The following IL1RAPL1 variants were observed in gnomAD, a reference collection of about 807,000 sequenced individuals.
The protein encoded by IL1RAPL1 is interleukin 1 receptor accessory protein like 1, also known as interleukin-1 receptor accessory protein-like 1.
In IL1RAPL1, 3 loss-of-function variants were observed where a neutral mutation model predicts 48.4. The ratio of observed to expected loss-of-function variants is 0.06; its 90% CI spans 0.03 to 0.16. The LOEUF is 0.16. Among genes scored for constraint, IL1RAPL1 ranks in the 10% least tolerant of loss-of-function variants. IL1RAPL1 has a pLI of 1.00. For synonymous variants in IL1RAPL1, 185 were observed against 187.7 expected, an observed-to-expected ratio of 0.99 and a Z score of 0.12; for missense variants, 349 against 530.6, an observed-to-expected ratio of 0.66 and a Z score of 3.36.
At chrX:29,777,794 T>C (rs1387658501) in intron 6 of IL1RAPL1, among the ~76,000 whole-genome samples, 1 of 110,969 alleles carries the variant, frequency 9.0e-6, no homozygotes, top group Non-Finnish European at 1.9e-5. Context: ...TTCAATAAAA[T>C]TGATATAAAT....
At chrX:29,231,476 CT>C (rs916595515) in intron 2 of IL1RAPL1, among the ~76,000 whole-genome samples, 1 of 111,979 alleles carries the variant, frequency 8.9e-6, no homozygotes, top group Non-Finnish European at 1.9e-5. Context: ...CTTGTGGTGT[CT>C]GTTGGTTGTT....
intron 2 of IL1RAPL1, among the ~76,000 whole-genome samples, chrX:29,226,770 A>G (rs941691397): frequency 9.0e-6 from 1 of 110,638 alleles, no homozygotes; most frequent in Non-Finnish European, 1.9e-5. Flanking sequence ...AAAAAACTGT[A>G]ATCAATTTTG....
chrX:29,319,687 G>A (rs1382235988), intron 3 of IL1RAPL1, among the ~76,000 whole-genome samples: 2 of 108,140 alleles, frequency 1.8e-5, no homozygotes, highest in African/African-American at 3.4e-5. Context: ...TAAAAACAAC[G>A]AACTAAGAAC....
chrX:29,541,494 A>G (rs916317774), intron 5 of IL1RAPL1, among the ~76,000 whole-genome samples: 1 of 111,910 alleles, frequency 8.9e-6, no homozygotes, highest in African/African-American at 3.3e-5. Flanking sequence ...TGTTCATCCC[A>G]GCACTATTGG....
Position 29,851,079 on chromosome X carries a change from A to T in IL1RAPL1, c.779-66385A>T, listed in dbSNP as rs773284877. Among the ~76,000 whole-genome samples the T allele has an allele frequency of 3.6e-5, 4 of 111,845 alleles. No homozygotes were observed. In the South Asian group the frequency reaches 1.5e-3, roughly 43 times the overall value. On this transcript the variant is annotated intron_variant, in intron 6 of 10. Coordinates refer to ENST00000378993, the MANE Select transcript of IL1RAPL1 (RefSeq NM_014271.4). ...AATATGCCTTCAAAACTGCATTTTG[A>T]TTCGTTTCTAATGGAAAAGGTGGGG...
intron 2 of IL1RAPL1, among the ~76,000 whole-genome samples, chrX:28,859,557 C>A (rs1300841519): frequency 1.4e-4 from 15 of 110,957 alleles, no homozygotes; most frequent in Non-Finnish European, 5.7e-5. Flanking sequence ...CGCGCCTGGG[C>A]AAGATCTTAG....
intron 3 of IL1RAPL1, among the ~76,000 whole-genome samples, chrX:29,324,054 C>CA (rs2147628155): frequency 9.2e-6 from 1 of 108,265 alleles, no homozygotes; most frequent in Admixed American, 1.0e-4. Flanking sequence ...CACTTTCACT[C>CA]AAAAAAGGAT....
At chrX:28,703,573 T>C (rs192224990) in intron 1 of IL1RAPL1, among the ~76,000 whole-genome samples, 108 of 111,185 alleles carry the variant, frequency 9.7e-4, no homozygotes, top group Middle Eastern at 4.6e-3. Flanking sequence ...CTAAAGAATA[T>C]CTGATTTTTA....
intron 5 of IL1RAPL1, among the ~76,000 whole-genome samples, chrX:29,657,142 A>C (rs1224809087): frequency 2.7e-5 from 3 of 111,740 alleles, no homozygotes; most frequent in Non-Finnish European, 5.6e-5. Flanking sequence ...CTTTCTGTCT[A>C]CCAGAAAATT....
At chrX:29,824,806 G>A (rs1336798345) in intron 6 of IL1RAPL1, among the ~76,000 whole-genome samples, 1 of 110,880 alleles carries the variant, frequency 9.0e-6, no homozygotes, top group Non-Finnish European at 1.9e-5. Flanking sequence ...ATGAGATAGG[G>A]CTAATTTACC....
At chrX:28,760,012 T>G (rs1022756740) in intron 1 of IL1RAPL1, among the ~76,000 whole-genome samples, 1 of 112,170 alleles carries the variant, frequency 8.9e-6, no homozygotes, top group African/African-American at 3.2e-5. Context: ...TCTGTACTTT[T>G]AGGACTCAAA....
chrX:29,939,503 T>C (rs1046467359), intron 8 of IL1RAPL1, among the ~76,000 whole-genome samples: 25 of 112,014 alleles, frequency 2.2e-4, no homozygotes, highest in Middle Eastern at 4.6e-3. Context: ...CGCTCACCCT[T>C]TCTGTTCATA....
intron 6 of IL1RAPL1, among the ~76,000 whole-genome samples, chrX:29,895,833 C>CAAAG (rs1388367508): frequency 9.0e-6 from 1 of 111,432 alleles, no homozygotes; most frequent in Non-Finnish European, 1.9e-5. Context: ...AGGTCCAAGC[C>CAAAG]AAAGACTTAG....
At chrX:28,803,340 A>C (rs1936695367) in intron 2 of IL1RAPL1, among the ~76,000 whole-genome samples, 1 of 111,404 alleles carries the variant, frequency 9.0e-6, no homozygotes, top group Admixed American at 9.6e-5. Flanking sequence ...TTCACGACTT[A>C]GGTTTTCCTG....
chrX:29,252,315 A>G (rs1602136507), intron 2 of IL1RAPL1, among the ~76,000 whole-genome samples: 1 of 113,801 alleles, frequency 8.8e-6, no homozygotes, highest in Admixed American at 9.1e-5. Context: ...GCCATAGAGA[A>G]AAGATGGAAG....
chrX:28,818,122 A>G (rs1263985887), intron 2 of IL1RAPL1, among the ~76,000 whole-genome samples: 1 of 109,070 alleles, frequency 9.2e-6, no homozygotes, highest in Non-Finnish European at 1.9e-5. Context: ...CAGCAAGCCA[A>G]ATATTGAGTT....
intron 6 of IL1RAPL1, among the ~76,000 whole-genome samples, chrX:29,783,105 C>T (rs1411973073): frequency 9.3e-6 from 1 of 107,414 alleles, no homozygotes; most frequent in Non-Finnish European, 1.9e-5. Context: ...GGGGTTTCAC[C>T]GTTTTAGCCG....
chrX:29,306,530 G>GAAAAA (rs1166748708), intron 3 of IL1RAPL1, among the ~76,000 whole-genome samples: 38 of 33,436 alleles, frequency 1.1e-3, no homozygotes, highest in African/African-American at 1.3e-3. Context: ...TCTGTCAAAA[G>GAAAAA]AAAAAAAAAA....
At chrX:28,641,852 G>C (rs1272752528) in intron 1 of IL1RAPL1, among the ~76,000 whole-genome samples, 1 of 110,498 alleles carries the variant, frequency 9.0e-6, no homozygotes, top group African/African-American at 3.3e-5. Flanking sequence ...TATGCTTATT[G>C]GCCGCGTAAA....
Sources: allele counts gnomAD v4.1 joint callset (sites outside exome capture counted in the v4.1 genomes callset), GRCh38; gene constraint gnomAD v4.1.1; transcripts MANE v1.5; gene names NCBI Gene and HGNC (gene_info 2026-07-23, HGNC 2026-07-21).